ESR2: variants seen among roughly 807,000 people sequenced by gnomAD.
ESR2 encodes the protein estrogen receptor beta.
A neutral mutation model predicts 49.6 loss-of-function variants in ESR2; 36 were observed. That is an observed-to-expected ratio of 0.73 (90% confidence interval 0.56 to 0.96). The LOEUF (loss-of-function observed/expected upper bound fraction) is 0.96, where lower values mean the gene tolerates loss of function less well. Ranked by LOEUF, ESR2 falls within the 40% of genes least tolerant of loss-of-function variation. The pLI is 0.00. For missense variants in ESR2, 714 were observed against 693.0 expected, an observed-to-expected ratio of 1.03 and a Z score of -0.34; for synonymous variants, 320 against 266.1, an observed-to-expected ratio of 1.20 and a Z score of -1.97.
intron 1 of ESR2, among the ~76,000 whole-genome samples, chr14:64,307,375 C>A (rs1428174059): frequency 6.6e-6 from 1 of 151,428 alleles, no homozygotes; most frequent in Non-Finnish European, 1.5e-5. Flanking sequence ...CCATGCCCAG[C>A]TAATTTTTTT....
At chr14:64,257,618 G>A (rs879206320) in intron 5 of ESR2, among the ~76,000 whole-genome samples, 12 of 152,094 alleles carry the variant, frequency 7.9e-5, no homozygotes, top group African/African-American at 1.9e-4. Context: ...CTACGACCTC[G>A]GCTCAGAACT....
chr14:64,283,069 A>G lies in ESR2; in HGVS notation c.-84T>C. 1 of 1,392,472 alleles carries G rather than the reference A, an allele frequency of 7.2e-7. No individual in the cohort carries two copies. The allele number at this position is 1,392,472 out of a possible 1,614,324, so 86.3% of individuals were successfully genotyped here. A position where few individuals can be genotyped will look rare whatever the true frequency, so the allele number is the denominator to read the frequency against. On this transcript the variant is annotated 5_prime_UTR_variant, in exon 2 of 9. Transcript: ENST00000341099. ...TGTTCTCAAAGATTCGTGGGCAAGT[A>G]TAATGGCTGTAAAGAAACACAGAAG...
At chr14:64,277,441 T>C (rs1567769769) in intron 3 of ESR2, among the ~76,000 whole-genome samples, 1 of 151,908 alleles carries the variant, frequency 6.6e-6, no homozygotes, top group Non-Finnish European at 1.5e-5. Flanking sequence ...CTGGCTAACA[T>C]GCCGAAACCC....
At chr14:64,325,829 C>A (rs1208857775) in intron 1 of ESR2, among the ~76,000 whole-genome samples, 2 of 152,060 alleles carry the variant, frequency 1.3e-5, no homozygotes, top group African/African-American at 4.8e-5. Flanking sequence ...ATAACATTTT[C>A]TTTTCTCTAG....
intron 1 of ESR2, chr14:64,331,049 T>G (rs1393482206): frequency 6.6e-6 from 1 of 152,122 alleles, no homozygotes; most frequent in Non-Finnish European, 1.5e-5. Context: ...TATCAGAATT[T>G]AATGTAAATA....
chr14:64,263,774 C>T (rs1228710224), intron 4 of ESR2, among the ~76,000 whole-genome samples: 2 of 152,134 alleles, frequency 1.3e-5, no homozygotes, highest in African/African-American at 4.8e-5. Flanking sequence ...CTATTTAAAT[C>T]TCTCTCTCAA....
chr14:64,332,858 C>A (rs1295259072), intron 1 of ESR2, among the ~76,000 whole-genome samples: 1 of 148,962 alleles, frequency 6.7e-6, no homozygotes, highest in Non-Finnish European at 1.5e-5. Context: ...ACACATTGAC[C>A]AGATAATCAC....
intron 1 of ESR2, among the ~76,000 whole-genome samples, chr14:64,314,163 G>A (rs988636270): frequency 1.1e-4 from 17 of 151,838 alleles, no homozygotes; most frequent in African/African-American, 2.4e-4. Flanking sequence ...AATTGAAATC[G>A]TATAGAATGT....
chr14:64,261,169 A>G (rs1305574244), intron 4 of ESR2, among the ~76,000 whole-genome samples: 2 of 152,088 alleles, frequency 1.3e-5, no homozygotes, highest in African/African-American at 4.8e-5. Context: ...AAAAATCTGA[A>G]AAATATAGAA....
At chr14:64,239,287 T>A (rs191805053) in intron 7 of ESR2, among the ~76,000 whole-genome samples, 3 of 152,278 alleles carry the variant, frequency 2.0e-5, no homozygotes, top group African/African-American at 7.2e-5. Context: ...TCTTTCCTCA[T>A]CAGCATCCAT....
rs530227251 is a variant in ESR2 at position 64,230,111 on chromosome 14, C to G, written c.*3026G>C. 6.6e-6 allele frequency among the ~76,000 whole-genome samples: 1 copy of G among 151,048 alleles called. No individual in the cohort carries two copies. Among genetic ancestry groups the G allele is most frequent in the Non-Finnish European group, 1.5e-5 (1 of 67,910 alleles). ...GGATGGGGCACTGTGGTGGGAGGAT[C>G]GCTTGAGCCCAGGAGGTCGAGGCTG... On this transcript the variant is annotated 3_prime_UTR_variant, in exon 9 of 9. Transcript: ENST00000341099.
At chr14:64,234,827 G>A in intron 8 of ESR2, 143 bp downstream of exon 8, 1 of 1,456,616 alleles carries the variant, frequency 6.9e-7, no homozygotes, top group South Asian at 1.4e-5. Context: ...TTGCTTACAG[G>A]TGTGTGAACT....
intron 1 of ESR2, among the ~76,000 whole-genome samples, chr14:64,292,056 TCTG>T (rs1018331539): frequency 6.6e-6 from 1 of 152,200 alleles, no homozygotes; most frequent in Non-Finnish European, 1.5e-5. Flanking sequence ...AGAATCTAAA[TCTG>T]CTAAGAACTA....
chr14:64,299,480 C>T (rs2094430746), intron 1 of ESR2, among the ~76,000 whole-genome samples: 2 of 151,604 alleles, frequency 1.3e-5, no homozygotes, highest in Middle Eastern at 3.4e-3. Flanking sequence ...CCGCCTCAGC[C>T]CCCCAAGTAG....
Position 64,280,170 on chromosome 14 carries a change from A to C in ESR2, c.363-17T>G, listed in dbSNP as rs754246813. On this transcript the variant is annotated splice_polypyrimidine_tract_variant and intron_variant, in intron 2 of 8. Coordinates refer to ENST00000341099, the MANE Select transcript of ESR2 (RefSeq NM_001437.3). ...AGTGTCTCTCTAGGGAGCAAAGAAAATATCCATTGAACAGAGCATAAAAGG... is the reference window on the plus strand; with the variant it reads ...AGTGTCTCTCTAGGGAGCAAAGAAACTATCCATTGAACAGAGCATAAAAGG... 3 of 1,607,142 alleles carry C rather than the reference A, an allele frequency of 1.9e-6. No individual in the cohort carries two copies. The South Asian group carries it at 3.3e-5, about 18-fold the overall frequency.
chr14:64,313,194 C>T (rs1439091462), intron 1 of ESR2, among the ~76,000 whole-genome samples: 1 of 151,880 alleles, frequency 6.6e-6, no homozygotes, highest in Non-Finnish European at 1.5e-5. Flanking sequence ...TAAATGCCCC[C>T]AAACAACAAA....
chr14:64,271,705 C>G (rs1437639028), intron 3 of ESR2, among the ~76,000 whole-genome samples: 1 of 152,182 alleles, frequency 6.6e-6, no homozygotes, highest in Non-Finnish European at 1.5e-5. Context: ...AACATGACCT[C>G]CAGTTGCATC....
intron 5 of ESR2, among the ~76,000 whole-genome samples, chr14:64,258,299 G>C (rs1341260672): frequency 6.6e-6 from 1 of 152,188 alleles, no homozygotes; most frequent in African/African-American, 2.4e-5. Context: ...TCACAGTACT[G>C]TTTGCAAACA....
chr14:64,296,837 GGAGT>G (rs1424785872), upstream of ESR2, among the ~76,000 whole-genome samples: 3 of 152,152 alleles, frequency 2.0e-5, no homozygotes, highest in South Asian at 2.1e-4. Context: ...AAAATGAATG[GGAGT>G]GAGTAAGTTT....
Sources: allele counts gnomAD v4.1 joint callset (sites outside exome capture counted in the v4.1 genomes callset), GRCh38; gene constraint gnomAD v4.1.1; transcripts MANE v1.5; gene names NCBI Gene and HGNC (gene_info 2026-07-23, HGNC 2026-07-21).